Variants in PARG observed in about 807,000 individuals in gnomAD.
PARG encodes the protein mitochondrial poly(ADP-ribose) glycohydrolase.
Under a neutral mutation model 113.0 loss-of-function variants are expected in PARG, and 35 were observed. That is an observed-to-expected ratio of 0.31 (90% CI 0.24 to 0.41). The LOEUF is 0.41. PARG is among the 10% of genes least tolerant of loss of function. The pLI is 1.00. For missense variants in PARG, 797 were observed against 1,169.4 expected, an observed-to-expected ratio of 0.68 and a Z score of 4.64; for synonymous variants, 330 against 409.9, an observed-to-expected ratio of 0.81 and a Z score of 2.36.
intron 1 of PARG, among the ~76,000 whole-genome samples, chr10:49,940,693 A>AT (rs1300722968): frequency 6.6e-6 from 1 of 151,934 alleles, no homozygotes; most frequent in African/African-American, 2.4e-5. Flanking sequence ...CGCTAGGCTA[A>AT]TTTTTTGTAT....
chr10:49,925,886 G>A lies in PARG; in HGVS notation c.1456-3217C>T, dbSNP rs185422704. 3.8e-3 allele frequency among the ~76,000 whole-genome samples: 585 copies of A among 152,344 alleles called. 1 individual carries two copies. The highest frequency in any genetic ancestry group is 7.4e-3 in the Admixed American group (114 of 15,312). On this transcript the variant is annotated intron_variant, in intron 4 of 17. Transcript: ENST00000616448. ...AAAGCAATTTTACTTCTGCACAGAGGAGTGCCTCCTTGGCCAGTCGCCATG... is the reference window on the plus strand; with the variant it reads ...AAAGCAATTTTACTTCTGCACAGAGAAGTGCCTCCTTGGCCAGTCGCCATG...
chr10:49,936,034 CA>C (rs1396475535), intron 1 of PARG, among the ~76,000 whole-genome samples: 3 of 152,032 alleles, frequency 2.0e-5, no homozygotes, highest in Non-Finnish European at 4.4e-5. Flanking sequence ...CAGTGGTTCC[CA>C]AACTATCTGG....
chr10:49,842,907 C>T (rs1554832630), intron 14 of PARG, among the ~76,000 whole-genome samples: 1 of 152,004 alleles, frequency 6.6e-6, no homozygotes, highest in African/African-American at 2.4e-5. Context: ...ATTTGTGGCA[C>T]GTGGGCAAGA....
intron 11 of PARG, among the ~76,000 whole-genome samples, chr10:49,862,207 A>G (rs182262615): frequency 0.019 from 2,936 of 151,928 alleles, 58 homozygotes; most frequent in African/African-American, 0.05. Flanking sequence ...TTTAGAAGGC[A>G]TAATTATTTT....
chr10:49,913,616 G>C (rs1837314691), intron 7 of PARG, among the ~76,000 whole-genome samples: 1 of 152,132 alleles, frequency 6.6e-6, no homozygotes. Context: ...CAAATCAGAA[G>C]GTCTGGTTGA....
rs1272410910 is a variant in PARG, at chr10:49,936,538, C to A, written c.218-1396G>T. Among the ~76,000 whole-genome samples the A allele has an allele frequency of 1.7e-4, 26 of 152,204 alleles. 1 individual carries two copies. The East Asian group carries it at 3.9e-3, about 23-fold the overall frequency. On this transcript the variant is annotated intron_variant, in intron 1 of 17. Coordinates refer to ENST00000616448, the MANE Select transcript of PARG (RefSeq NM_003631.5). ...GAGATGCAATATAAATAAATACAAG[C>A]CACATTTTATATAATCATTAGAAAT...
At chr10:49,914,303 A>G (rs1362444891) in intron 7 of PARG, among the ~76,000 whole-genome samples, 1 of 152,242 alleles carries the variant, frequency 6.6e-6, no homozygotes, top group Non-Finnish European at 1.5e-5. Flanking sequence ...CTTAAGTGAC[A>G]AGGATAACGA....
chr10:49,884,314 TAA>T (rs1350301984), intron 8 of PARG, among the ~76,000 whole-genome samples: 1 of 152,236 alleles, frequency 6.6e-6, no homozygotes, highest in Non-Finnish European at 1.5e-5. Flanking sequence ...TCTTTATTTT[TAA>T]AAGTTAAGGC....
chr10:49,898,088 A>C (rs1848180902), intron 7 of PARG, among the ~76,000 whole-genome samples: 1 of 152,206 alleles, frequency 6.6e-6, no homozygotes, highest in South Asian at 2.1e-4. Flanking sequence ...ACTGGCCAAG[A>C]AACTGGAAGA....
intron 10 of PARG, among the ~76,000 whole-genome samples, chr10:49,868,083 G>A (rs1315343372): frequency 6.6e-6 from 1 of 152,156 alleles, no homozygotes; most frequent in African/African-American, 2.4e-5. Context: ...CACCTCCTGG[G>A]TTCAAGTGAT....
chr10:49,854,937 T>A (rs1845918045), intron 13 of PARG, among the ~76,000 whole-genome samples: 1 of 150,240 alleles, frequency 6.7e-6, no homozygotes, highest in South Asian at 2.1e-4. Context: ...CAGTTTTAAA[T>A]GAAAATTAGA....
At chr10:49,839,846 T>C (rs1554831907) in intron 15 of PARG, among the ~76,000 whole-genome samples, 1 of 152,212 alleles carries the variant, frequency 6.6e-6, no homozygotes, top group African/African-American at 2.4e-5. Flanking sequence ...CACATTTTGG[T>C]TCTACTTTCC....
intron 1 of PARG, among the ~76,000 whole-genome samples, chr10:49,937,649 C>T (rs1244826798): frequency 2.0e-5 from 3 of 152,144 alleles, no homozygotes; most frequent in Non-Finnish European, 2.9e-5. Flanking sequence ...GATAAGTCTA[C>T]AGAACCTAAA....
At chr10:49,829,105 A>C (rs1222681333) in intron 16 of PARG, among the ~76,000 whole-genome samples, 1 of 151,964 alleles carries the variant, frequency 6.6e-6, no homozygotes, top group African/African-American at 2.4e-5. Context: ...GCGTGGTGGC[A>C]GGCACCTGTA....
chr10:49,931,903 C>T lies in PARG; in HGVS notation c.1455+197G>A, dbSNP rs1360702950. Among the ~76,000 whole-genome samples the T allele has an allele frequency of 3.3e-5, 5 of 152,178 alleles. No individual in the cohort carries two copies. In the East Asian group the frequency reaches 7.7e-4, roughly 23 times the overall value. On this transcript the variant is annotated intron_variant, in intron 4 of 17. Coordinates refer to ENST00000616448, the MANE Select transcript of PARG (RefSeq NM_003631.5). Reference sequence around the variant, plus strand: ...CTTCACCATCAGCTGATAATGATTGCTAATGATTGCTAATTTGTTAAGTTC... The same window carrying T: ...CTTCACCATCAGCTGATAATGATTGTTAATGATTGCTAATTTGTTAAGTTC...
At chr10:49,873,668 T>C (rs2132593700) in intron 9 of PARG, among the ~76,000 whole-genome samples, 2 of 114,826 alleles carry the variant, frequency 1.7e-5, no homozygotes, top group East Asian at 5.5e-4. Context: ...TATTATTTGC[T>C]AGCTTAGGCT....
chr10:49,870,761 AT>A (rs1232293718), intron 9 of PARG, among the ~76,000 whole-genome samples: 4 of 126,550 alleles, frequency 3.2e-5, no homozygotes, highest in Non-Finnish European at 6.6e-5. Context: ...GCCTCTAGTC[AT>A]GTGCTCTGAC....
At chr10:49,916,030 G>C (rs1554847540) in intron 6 of PARG, 39 bp from the exon 7 acceptor site, 1 of 1,082,974 alleles carries the variant, frequency 9.2e-7, no homozygotes, top group African/African-American at 1.6e-5. Flanking sequence ...TCATGGTATG[G>C]CCAAGTGAAT....
chr10:49,934,306 G>T, intron 2 of PARG, 143 bp from the exon 3 acceptor site: 1 of 605,698 alleles, frequency 1.7e-6, no homozygotes, highest in Non-Finnish European at 2.9e-6. Context: ...CCATGTCTTT[G>T]TATGTGATCC....
Sources: allele counts gnomAD v4.1 joint callset (sites outside exome capture counted in the v4.1 genomes callset), GRCh38; gene constraint gnomAD v4.1.1; transcripts MANE v1.5; gene names NCBI Gene and HGNC (gene_info 2026-07-23, HGNC 2026-07-21).